The following MORC1 variants were observed in gnomAD, a reference collection of about 807,000 sequenced individuals.
MORC1 encodes MORC family CW-type zinc finger 1, also known as MORC family CW-type zinc finger protein 1.
In MORC1, 59 loss-of-function variants were observed where a neutral mutation model predicts 134.9. The ratio of observed to expected loss-of-function variants is 0.44; its 90% confidence interval spans 0.35 to 0.54. The LOEUF (loss-of-function observed/expected upper bound fraction) is 0.54. Ranked by LOEUF, MORC1 falls within the 20% of genes least tolerant of loss-of-function variation. The probability of loss-of-function intolerance (pLI) is 0.00; values close to 1 mark genes in which losing one functional copy is unlikely to be tolerated. For synonymous variants in MORC1, 395 were observed against 391.7 expected (o/e 1.01, Z -0.10); for missense variants, 947 against 1,134.5 (o/e 0.83, Z 2.37).
intron 21 of MORC1, among the ~76,000 whole-genome samples, chr3:108,987,186 G>C (rs1388761775): frequency 1.3e-5 from 2 of 152,018 alleles, no homozygotes; most frequent in African/African-American, 4.8e-5. Context: ...TTCTTTAAAG[G>C]GATTTTTGTA....
intron 5 of MORC1, 114 bp from the exon 6 acceptor site, chr3:109,099,580 C>T: frequency 1.4e-6 from 1 of 740,322 alleles, no homozygotes; most frequent in Non-Finnish European, 2.0e-6. Flanking sequence ...ACACTCTGTT[C>T]TGCTGACCCG....
chr3:109,099,404 C>A lies in MORC1; in HGVS notation c.377G>T (p.Cys126Phe). The A allele has an allele frequency of 6.2e-7, 1 of 1,613,198 alleles. No homozygotes were observed. The highest frequency in any genetic ancestry group is 2.2e-5 in the East Asian group (1 of 44,824). Residue 126 changes from cysteine (C) to phenylalanine (F), a missense_variant, in exon 6 of 28, where the codon TGT (cysteine) becomes TTT (phenylalanine). Cys to Phe is a radical substitution (Grantham distance 205). This residue lies in a region of MORC1 where 214 missense variants were observed against 281.3 expected (regional missense o/e 0.76). Coordinates refer to ENST00000232603, the MANE Select transcript of MORC1 (RefSeq NM_014429.4). Reference sequence around the variant, plus strand: ...ACAGAATGTCTGAGAAAAAAACACACAGGTCATCGTTTCTTCCTTCTTCGT... The same window carrying A: ...ACAGAATGTCTGAGAAAAAAACACAAAGGTCATCGTTTCTTCCTTCTTCGT... ...LFTKKEETMT[C>F]VFFSQTFCEE...
chr3:108,989,105 A>G (rs1253191526), intron 21 of MORC1, among the ~76,000 whole-genome samples: 1 of 152,204 alleles, frequency 6.6e-6, no homozygotes, highest in Non-Finnish European at 1.5e-5. Flanking sequence ...TTCTATTACA[A>G]TATAGTTGAG....
chr3:109,082,458 T>C (rs1950541390), intron 8 of MORC1, among the ~76,000 whole-genome samples: 1 of 152,062 alleles, frequency 6.6e-6, no homozygotes, highest in Non-Finnish European at 1.5e-5. Flanking sequence ...TGACTGACCC[T>C]AGTGAAAAAG....
At chr3:109,046,601 T>C (rs1949702142) in intron 14 of MORC1, among the ~76,000 whole-genome samples, 1 of 152,236 alleles carries the variant, frequency 6.6e-6, no homozygotes, top group Non-Finnish European at 1.5e-5. Flanking sequence ...TGAAGCCTAC[T>C]GACTAAACTA....
intron 1 of MORC1, among the ~76,000 whole-genome samples, chr3:109,116,381 G>C (rs753978785): frequency 1.3e-5 from 2 of 152,148 alleles, no homozygotes; most frequent in Non-Finnish European, 2.9e-5. Flanking sequence ...TGGATGATTT[G>C]AAACATATTT....
chr3:109,043,136 C>G (rs540108481), intron 14 of MORC1, among the ~76,000 whole-genome samples: 7 of 128,514 alleles, frequency 5.4e-5, no homozygotes, highest in Non-Finnish European at 9.3e-5. Context: ...AACATGGAAG[C>G]AACTCAAGTG....
intron 14 of MORC1, among the ~76,000 whole-genome samples, chr3:109,044,844 C>T (rs1949648780): frequency 7.9e-6 from 1 of 126,634 alleles, no homozygotes; most frequent in Non-Finnish European, 1.8e-5. Context: ...ACTTGGGAGG[C>T]TTAGGCAGGA....
chr3:109,008,027 A>C (rs1948589282), intron 17 of MORC1, among the ~76,000 whole-genome samples: 1 of 152,234 alleles, frequency 6.6e-6, no homozygotes, highest in African/African-American at 2.4e-5. Flanking sequence ...CATATTATAC[A>C]CATGGTCTGA....
chr3:109,068,972 A>G (rs1051446558), intron 9 of MORC1, among the ~76,000 whole-genome samples: 1 of 152,204 alleles, frequency 6.6e-6, no homozygotes, highest in African/African-American at 2.4e-5. Context: ...CCTGGTCAAC[A>G]TGGTGAAACC....
At chr3:109,033,206 T>C (rs1455542313) in intron 15 of MORC1, among the ~76,000 whole-genome samples, 1 of 151,020 alleles carries the variant, frequency 6.6e-6, no homozygotes, top group Non-Finnish European at 1.5e-5. Flanking sequence ...TCCAACTACA[T>C]GATTAACATA....
intron 24 of MORC1, among the ~76,000 whole-genome samples, chr3:108,972,134 T>C (rs1161240348): frequency 1.3e-5 from 2 of 152,182 alleles, no homozygotes; most frequent in Non-Finnish European, 2.9e-5. Context: ...TGGTGGCCAT[T>C]GTTCTGACAG....
chr3:109,112,038 T>C (rs1164314121), intron 2 of MORC1, among the ~76,000 whole-genome samples: 2 of 152,236 alleles, frequency 1.3e-5, no homozygotes, highest in Non-Finnish European at 2.9e-5. Context: ...ATCTCCATTA[T>C]ATAATCATGC....
At chr3:109,019,817 G>C (rs745387043) in intron 17 of MORC1, among the ~76,000 whole-genome samples, 5 of 152,048 alleles carry the variant, frequency 3.3e-5, no homozygotes, top group Admixed American at 6.6e-5. Context: ...GTTTCTTCTC[G>C]TTAGGTTCCT....
chr3:109,004,990 T>C lies in MORC1; in HGVS notation c.2013+80A>G, dbSNP rs1948502788. ...TTTATAATTAAAGTGTCTTAAAATG[T>C]GAAAATGAAGCAAAACCTTGACTGA... On this transcript the variant is annotated intron_variant, in intron 19 of 27. Transcript: ENST00000232603. 3 of 1,573,228 alleles carry C rather than the reference T, an allele frequency of 1.9e-6. No homozygotes were observed. In the Admixed American group the frequency reaches 5.7e-5, roughly 30 times the overall value.
chr3:109,024,856 A>G (rs943639196), intron 17 of MORC1, among the ~76,000 whole-genome samples: 5 of 152,230 alleles, frequency 3.3e-5, no homozygotes, highest in African/African-American at 9.6e-5. Context: ...AATGGGGCCA[A>G]TGATGGCCTG....
intron 17 of MORC1, among the ~76,000 whole-genome samples, chr3:109,015,840 C>A (rs1278885731): frequency 6.6e-6 from 1 of 152,116 alleles, no homozygotes; most frequent in Admixed American, 6.6e-5. Flanking sequence ...AAATTCCAAG[C>A]TGCTAAAATT....
At chr3:109,090,831 A>G (rs550305876) in intron 8 of MORC1, among the ~76,000 whole-genome samples, 35 of 152,146 alleles carry the variant, frequency 2.3e-4, no homozygotes, top group Non-Finnish European at 4.6e-4. Flanking sequence ...AGATTTGAAA[A>G]TTGTTTTGGA....
chr3:109,113,386 G>T (rs1951208174), intron 2 of MORC1, among the ~76,000 whole-genome samples: 1 of 152,054 alleles, frequency 6.6e-6, no homozygotes, highest in South Asian at 2.1e-4. Context: ...CTTAGTGCAG[G>T]GCAGGAATTT....
Sources: gnomAD v4.1 joint callset for allele counts (sites outside exome capture counted in the v4.1 genomes callset) on GRCh38, gnomAD v4.1.1 for gene constraint, gnomAD v4.1.1 regional missense constraint, MANE v1.5 for transcripts, NCBI Gene and HGNC (gene_info 2026-07-23, HGNC 2026-07-21) for gene names.